Variants in CHN1 observed in about 807,000 individuals in gnomAD.
The protein encoded by CHN1 is chimerin 1.
Under a neutral mutation model 59.5 loss-of-function variants are expected in CHN1, and 37 were observed. The ratio of observed to expected loss-of-function variants is 0.62; its 90% CI spans 0.48 to 0.82. The LOEUF is 0.82. Among genes scored for constraint, CHN1 ranks in the 40% least tolerant of loss-of-function variants. The pLI is 0.00. For synonymous variants in CHN1, 206 were observed against 200.4 expected (o/e 1.03, Z -0.24); for missense variants, 469 against 571.0 (o/e 0.82, Z 1.82).
chr2:174,960,162 G>A (rs1189205893), intron 1 of CHN1, among the ~76,000 whole-genome samples: 1 of 152,154 alleles, frequency 6.6e-6, no homozygotes, highest in Non-Finnish European at 1.5e-5. Context: ...AACAGGTCAT[G>A]CCAGTTCCTT....
intron 6 of CHN1, among the ~76,000 whole-genome samples, chr2:174,850,317 A>G (rs1297287296): frequency 1.3e-5 from 2 of 152,198 alleles, no homozygotes; most frequent in African/African-American, 4.8e-5. Flanking sequence ...GGTTCAATAT[A>G]TATTTGGTTA....
rs1011050506 is a variant in CHN1 at position 174,975,647 on chromosome 2, A to AAAAC, written c.20-23449_20-23446dup. 3.4e-5 allele frequency among the ~76,000 whole-genome samples: 5 copies of AAAAC among 147,424 alleles called. 1 individual carries two copies. Among genetic ancestry groups the AAAAC allele is most frequent in the African/African-American group, 1.3e-4 (5 of 37,196 alleles). On this transcript the variant is annotated intron_variant, in intron 1 of 12. Transcript: ENST00000409900. ...TAAATTTTAGCCAGGCAAAAAAAAC[A>AAAAC]AAACAAACAAAAAAAAAAAAAACAG... is the stretch of plus-strand genomic sequence containing the variant.
Position 174,850,361 on chromosome 2 carries a change from T to C in CHN1, c.550-3404A>G, listed in dbSNP as rs759929796. Among the ~76,000 whole-genome samples the C allele has an allele frequency of 4.6e-5, 7 of 152,198 alleles. No individual in the cohort carries two copies. The East Asian group carries it at 1.2e-3, about 25-fold the overall frequency. On this transcript the variant is annotated intron_variant, in intron 6 of 12. Transcript: ENST00000409900. ...AACCAAATGAAGGCAGCTATTTTTATTGGGGGGCAGTGTGGTATAATGAAG... is the reference window on the plus strand; with the variant it reads ...AACCAAATGAAGGCAGCTATTTTTACTGGGGGGCAGTGTGGTATAATGAAG...
intron 4 of CHN1, among the ~76,000 whole-genome samples, chr2:174,917,359 G>A (rs926504331): frequency 6.6e-6 from 1 of 151,762 alleles, no homozygotes; most frequent in Non-Finnish European, 1.5e-5. Context: ...GCTTGAACCC[G>A]GGAGGTGGAG....
intron 6 of CHN1, among the ~76,000 whole-genome samples, chr2:174,863,242 C>G (rs2105455470): frequency 6.6e-6 from 1 of 152,248 alleles, no homozygotes; most frequent in South Asian, 2.1e-4. Flanking sequence ...GTTTCAAAAT[C>G]ATGCACAGTT....
chr2:174,964,579 A>G (rs1039262347), intron 1 of CHN1, among the ~76,000 whole-genome samples: 8 of 152,184 alleles, frequency 5.3e-5, no homozygotes, highest in African/African-American at 1.9e-4. Flanking sequence ...GAGGCTTAAA[A>G]ATCAGCTATA....
intron 5 of CHN1, among the ~76,000 whole-genome samples, chr2:174,899,600 G>C (rs888838173): frequency 6.6e-6 from 1 of 152,182 alleles, no homozygotes; most frequent in Non-Finnish European, 1.5e-5. Flanking sequence ...CAATTGGCCT[G>C]CAATGCCTAA....
intron 1 of CHN1, among the ~76,000 whole-genome samples, chr2:174,966,819 TTACC>T (rs1690608331): frequency 6.6e-6 from 1 of 152,128 alleles, no homozygotes; most frequent in Admixed American, 6.5e-5. Flanking sequence ...ACAGGCCTGT[TTACC>T]TACAGGATTT....
chr2:174,885,982 G>A (rs1348640516), intron 5 of CHN1, among the ~76,000 whole-genome samples: 1 of 152,132 alleles, frequency 6.6e-6, no homozygotes, highest in Non-Finnish European at 1.5e-5. Context: ...AATAGACTTG[G>A]CATATTCAAG....
At chr2:174,858,484 A>AG (rs1686971832) in intron 6 of CHN1, among the ~76,000 whole-genome samples, 1 of 152,198 alleles carries the variant, frequency 6.6e-6, no homozygotes, top group Admixed American at 6.5e-5. Context: ...CATAAATCAC[A>AG]GATGTGTTAA....
chr2:174,952,161 T>C lies in CHN1; in HGVS notation c.58+3A>G, dbSNP rs147497717. On this transcript the variant is annotated splice_donor_region_variant and intron_variant, in intron 2 of 12. Coordinates refer to ENST00000409900, the MANE Select transcript of CHN1 (RefSeq NM_001822.7). ...TAACCCACACAATTATTTGTAGACT[T>C]ACAGTAAGATTTCCAAACAGGAGGT... is the stretch of plus-strand genomic sequence containing the variant. 45 of 1,436,792 alleles carry C rather than the reference T, an allele frequency of 3.1e-5. 1 individual carries two copies. The African/African-American group carries it at 6.3e-4, about 20-fold the overall frequency. 89.0% of individuals were successfully genotyped at this position (1,436,792 alleles called of 1,614,324 possible).
intron 5 of CHN1, among the ~76,000 whole-genome samples, chr2:174,907,448 T>C (rs1688572454): frequency 6.6e-6 from 1 of 152,154 alleles, no homozygotes; most frequent in Non-Finnish European, 1.5e-5. Flanking sequence ...TTTCTTTCTA[T>C]TGCCCCAGGG....
intron 3 of CHN1, among the ~76,000 whole-genome samples, chr2:174,930,671 A>G (rs1226781924): frequency 6.6e-6 from 1 of 152,244 alleles, no homozygotes; most frequent in East Asian, 1.9e-4. Context: ...AACTGTGTCA[A>G]GGGTGACTAA....
chr2:174,969,739 A>G (rs1458711570), intron 1 of CHN1, among the ~76,000 whole-genome samples: 2 of 151,552 alleles, frequency 1.3e-5, no homozygotes, highest in Non-Finnish European at 2.9e-5. Flanking sequence ...AATACTACAT[A>G]TTTTATCAAT....
chr2:174,884,265 C>T (rs1183811843), intron 5 of CHN1, among the ~76,000 whole-genome samples: 1 of 151,822 alleles, frequency 6.6e-6, no homozygotes, highest in African/African-American at 2.4e-5. Flanking sequence ...GCCACCGAGC[C>T]CGGCCTGAAA....
intron 5 of CHN1, among the ~76,000 whole-genome samples, chr2:174,900,132 A>T (rs1688342268): frequency 1.3e-5 from 2 of 152,234 alleles, no homozygotes; most frequent in African/African-American, 4.8e-5. Flanking sequence ...TCGAATATCA[A>T]AATAAATTAT....
chr2:174,872,094 C>A (rs1393388113), intron 6 of CHN1, among the ~76,000 whole-genome samples: 3 of 152,052 alleles, frequency 2.0e-5, no homozygotes, highest in Non-Finnish European at 2.9e-5. Context: ...CCAGCTTGGG[C>A]AACATGGAGA....
rs192449373 is a variant in CHN1 at position 174,875,301 on chromosome 2, A to T, written c.549+2539T>A. Reference sequence around the variant, plus strand: ...AGAAAATGCCTTATCTCATATGAAGAAACTGAAGTCCAGACAGGTGAGATG... The same window carrying T: ...AGAAAATGCCTTATCTCATATGAAGTAACTGAAGTCCAGACAGGTGAGATG... On this transcript the variant is annotated intron_variant, in intron 6 of 12. Coordinates refer to ENST00000409900, the MANE Select transcript of CHN1 (RefSeq NM_001822.7). 2.9e-3 allele frequency among the ~76,000 whole-genome samples: 441 copies of T among 152,352 alleles called. 3 individuals carry two copies. The highest frequency in any genetic ancestry group is 1.0e-2 in the African/African-American group (414 of 41,580).
Position 174,987,557 on chromosome 2 carries a change from A to G in CHN1, c.19+17337T>C, listed in dbSNP as rs191086476. Among the ~76,000 whole-genome samples, 568 of 151,862 alleles carry G rather than the reference A, an allele frequency of 3.7e-3. 4 individuals are homozygous for G. The highest frequency in any genetic ancestry group is 0.013 in the African/African-American group (544 of 41,422). On this transcript the variant is annotated intron_variant, in intron 1 of 12. Transcript: ENST00000409900. Reference sequence around the variant, plus strand: ...CGAGTAGCTGGGATAACAAGCGCCTACCACCACTAATTTTTGTATTTTTGT... The same window carrying G: ...CGAGTAGCTGGGATAACAAGCGCCTGCCACCACTAATTTTTGTATTTTTGT...
Sources: gnomAD v4.1 joint callset for allele counts (sites outside exome capture counted in the v4.1 genomes callset) on GRCh38, gnomAD v4.1.1 for gene constraint, MANE v1.5 for transcripts, NCBI Gene and HGNC (gene_info 2026-07-23, HGNC 2026-07-21) for gene names.